The following BMERB1 variants were observed in gnomAD, a reference collection of about 807,000 sequenced individuals.
BMERB1 encodes the protein bMERB domain containing 1, also known as bMERB domain-containing protein 1.
A neutral mutation model predicts 23.6 loss-of-function variants in BMERB1; 12 were observed. That is an observed-to-expected ratio of 0.51 (90% CI 0.33 to 0.82). The LOEUF is 0.82. Ranked by LOEUF, BMERB1 falls within the 40% of genes least tolerant of loss-of-function variation. The pLI, the probability that BMERB1 is intolerant of heterozygous loss-of-function variation, is 0.03. For synonymous variants in BMERB1, 122 were observed against 96.6 expected (o/e 1.26, Z -1.54); for missense variants, 247 against 255.4 (o/e 0.97, Z 0.22).
intron 1 of BMERB1, among the ~76,000 whole-genome samples, chr16:15,471,084 G>T (rs1162502141): frequency 6.6e-6 from 1 of 150,874 alleles, no homozygotes; most frequent in African/African-American, 2.4e-5. Context: ...TCATCCTCCT[G>T]CCTCGGCCTC....
chr16:15,583,195 A>G lies in BMERB1; in HGVS notation c.459A>G (p.Arg153=). 3 of 1,613,786 alleles carry G rather than the reference A, an allele frequency of 1.9e-6. No homozygotes were observed. Among genetic ancestry groups the G allele is most frequent in the Non-Finnish European group, 2.5e-6 (3 of 1,179,694 alleles). Residue 153 remains arginine (R), a synonymous_variant, in exon 5 of 6, where the codon AGA becomes AGG. Coordinates refer to ENST00000300006, the MANE Select transcript of BMERB1 (RefSeq NM_033201.3). The part of the protein sequence containing the change: ...EEDKEMADFL[R]IKLKPLDKVT... ...ACAAGGAAATGGCTGATTTCCTGAG[A>G]ATCAAGTTAAAACCTCTAGACAAAG...
chr16:15,452,730 G>C (rs1326309028), intron 1 of BMERB1, among the ~76,000 whole-genome samples: 1 of 152,190 alleles, frequency 6.6e-6, no homozygotes, highest in African/African-American at 2.4e-5. Context: ...GGACAATGGT[G>C]GTTGGGAGAA....
intron 1 of BMERB1, among the ~76,000 whole-genome samples, chr16:15,500,662 T>A (rs540941049): frequency 6.6e-6 from 1 of 152,290 alleles, no homozygotes; most frequent in South Asian, 2.1e-4. Flanking sequence ...CTTCCTTTAT[T>A]TAGTTTTGAG....
intron 2 of BMERB1, among the ~76,000 whole-genome samples, chr16:15,527,753 C>T (rs1357395747): frequency 6.6e-6 from 1 of 152,076 alleles, no homozygotes; most frequent in East Asian, 1.9e-4. Flanking sequence ...ATACCTGTAA[C>T]TCAATCTGTC....
rs147976011 is a variant in BMERB1 at position 15,476,976 on chromosome 16, G to A, written c.107-38329G>A. ...TTTCCATCAGTCTTTGGCTGGCAGG[G>A]CAGATATGGTTAAAAAAAATTTCTC... On this transcript the variant is annotated intron_variant, in intron 1 of 5. Coordinates refer to ENST00000300006, the MANE Select transcript of BMERB1 (RefSeq NM_033201.3). Among the ~76,000 whole-genome samples, 4 of 152,280 alleles carry A rather than the reference G, an allele frequency of 2.6e-5. No homozygotes were observed. The East Asian group carries it at 7.7e-4, about 29-fold the overall frequency.
At chr16:15,514,441 A>G (rs549642370) in intron 1 of BMERB1, among the ~76,000 whole-genome samples, 9 of 152,286 alleles carry the variant, frequency 5.9e-5, no homozygotes, top group African/African-American at 2.2e-4. Flanking sequence ...GCAGGAGCTG[A>G]CAAGGCCTTA....
intron 2 of BMERB1, among the ~76,000 whole-genome samples, chr16:15,557,046 C>T (rs2030280429): frequency 6.6e-6 from 1 of 152,202 alleles, no homozygotes; most frequent in Admixed American, 6.5e-5. Context: ...TAGGCTGCAA[C>T]TCAAGCTGCT....
At chr16:15,469,155 A>G (rs1202987510) in intron 1 of BMERB1, among the ~76,000 whole-genome samples, 1 of 151,810 alleles carries the variant, frequency 6.6e-6, no homozygotes, top group East Asian at 1.9e-4. Flanking sequence ...TAGTAGAGAC[A>G]GGGTTTCACC....
intron 1 of BMERB1, among the ~76,000 whole-genome samples, chr16:15,453,642 C>A (rs1177305223): frequency 6.6e-6 from 1 of 151,922 alleles, no homozygotes; most frequent in Non-Finnish European, 1.5e-5. Flanking sequence ...GAGGCCGAGG[C>A]GGGCAGATCA....
At chr16:15,575,223 CCTTT>C (rs1437999999) in intron 3 of BMERB1, among the ~76,000 whole-genome samples, 1 of 152,190 alleles carries the variant, frequency 6.6e-6, no homozygotes, top group Non-Finnish European at 1.5e-5. Context: ...CCTTAGTCTT[CCTTT>C]ATCTGACGTC....
At chr16:15,463,489 G>A (rs559958691) in intron 1 of BMERB1, among the ~76,000 whole-genome samples, 41 of 152,278 alleles carry the variant, frequency 2.7e-4, no homozygotes, top group African/African-American at 9.6e-4. Flanking sequence ...GCAGGAGCCT[G>A]TGCGAGTTGG....
intron 1 of BMERB1, among the ~76,000 whole-genome samples, chr16:15,482,863 G>A (rs1265903454): frequency 2.0e-5 from 3 of 151,882 alleles, no homozygotes; most frequent in African/African-American, 2.4e-5. Flanking sequence ...CTTTACATGC[G>A]TTGTCTCACT....
chr16:15,527,642 G>A (rs1186289555), intron 2 of BMERB1, among the ~76,000 whole-genome samples: 3 of 152,032 alleles, frequency 2.0e-5, no homozygotes, highest in African/African-American at 2.4e-5. Flanking sequence ...GGAATCACAC[G>A]GTATTTTTCT....
intron 3 of BMERB1, among the ~76,000 whole-genome samples, chr16:15,578,171 C>G (rs954399425): frequency 1.3e-5 from 2 of 152,082 alleles, no homozygotes; most frequent in African/African-American, 4.8e-5. Flanking sequence ...CCACTTCAAT[C>G]TCTGCCTCCA....
chr16:15,472,782 T>C (rs2051240979), intron 1 of BMERB1, among the ~76,000 whole-genome samples: 1 of 152,124 alleles, frequency 6.6e-6, no homozygotes, highest in South Asian at 2.1e-4. Context: ...TTTTATTGTT[T>C]GTTTCTCCTG....
chr16:15,519,959 G>A (rs906027661), intron 2 of BMERB1, among the ~76,000 whole-genome samples: 1 of 152,150 alleles, frequency 6.6e-6, no homozygotes, highest in Non-Finnish European at 1.5e-5. Context: ...TGACGTCCTT[G>A]GTCTGTGACC....
chr16:15,512,715 C>T (rs1241941699), intron 1 of BMERB1, among the ~76,000 whole-genome samples: 2 of 151,920 alleles, frequency 1.3e-5, no homozygotes, highest in Non-Finnish European at 2.9e-5. Flanking sequence ...CCCAACTCTA[C>T]TAAAAATACA....
chr16:15,510,371 T>G (rs1256016753), intron 1 of BMERB1, among the ~76,000 whole-genome samples: 2 of 152,132 alleles, frequency 1.3e-5, no homozygotes, highest in African/African-American at 4.8e-5. Context: ...GCGCTGAGCC[T>G]TTGTTTCTTT....
At chr16:15,523,166 G>A (rs1040920405) in intron 2 of BMERB1, among the ~76,000 whole-genome samples, 5 of 152,122 alleles carry the variant, frequency 3.3e-5, no homozygotes, top group African/African-American at 4.8e-5. Flanking sequence ...ACTTTGTTCC[G>A]CCAGTAGATG....
Sources: gnomAD v4.1 joint callset for allele counts (sites outside exome capture counted in the v4.1 genomes callset) on GRCh38, gnomAD v4.1.1 for gene constraint, MANE v1.5 for transcripts, NCBI Gene and HGNC (gene_info 2026-07-23, HGNC 2026-07-21) for gene names.